The following RUNDC3B variants were observed in gnomAD, a reference collection of about 807,000 sequenced individuals.
The protein encoded by RUNDC3B is RUN domain-containing protein 3B.
RUNDC3B carries 33 observed loss-of-function variants against 58.4 expected under a neutral mutation model. The observed-to-expected ratio is 0.56, with a 90% CI of 0.43 to 0.75. The LOEUF (loss-of-function observed/expected upper bound fraction) is 0.75, where lower values mean the gene tolerates loss of function less well. Among genes scored for constraint, RUNDC3B ranks in the 30% least tolerant of loss-of-function variants. The pLI, the probability that RUNDC3B is intolerant of heterozygous loss-of-function variation, is 0.00. For synonymous variants in RUNDC3B, 193 were observed against 195.2 expected, an observed-to-expected ratio of 0.99 and a Z score of 0.10; for missense variants, 501 against 535.7, an observed-to-expected ratio of 0.94 and a Z score of 0.64.
rs373462839 is a variant in RUNDC3B at position 87,711,751 on chromosome 7, A to G, written c.458+1096A>G. Among the ~76,000 whole-genome samples, 11 of 152,314 alleles carry G rather than the reference A, an allele frequency of 7.2e-5. No homozygotes were observed. The East Asian group carries it at 2.1e-3, about 29-fold the overall frequency. On this transcript the variant is annotated intron_variant, in intron 4 of 10. Coordinates refer to ENST00000394654, the MANE Select transcript of RUNDC3B (RefSeq NM_001134405.2). ...CACATTTCAGATGTCCCATTGCCAC[A>G]TGTAGCTAATGGTAACCCAATTGGA...
chr7:87,800,405 G>T (rs1265801056), intron 8 of RUNDC3B, among the ~76,000 whole-genome samples: 1 of 152,116 alleles, frequency 6.6e-6, no homozygotes, highest in Non-Finnish European at 1.5e-5. Context: ...CTACTGATGG[G>T]CACTTATGTT....
In RUNDC3B at chr7:87,770,758, A is replaced by G; in HGVS notation, c.798+9A>G. 6.3e-7 allele frequency: 1 copy of G among 1,587,730 alleles called. No individual in the cohort carries two copies. On this transcript the variant is annotated intron_variant, in intron 7 of 10. Coordinates refer to ENST00000394654, the MANE Select transcript of RUNDC3B (RefSeq NM_001134405.2). ...TTACCCTGGAACAGAAGGTATTTTAAAATTATCAAAACGTACTTAATTTTA... is the reference window on the plus strand; with the variant it reads ...TTACCCTGGAACAGAAGGTATTTTAGAATTATCAAAACGTACTTAATTTTA...
intron 2 of RUNDC3B, among the ~76,000 whole-genome samples, chr7:87,687,375 A>G (rs1377229067): frequency 1.3e-5 from 2 of 152,290 alleles, no homozygotes; most frequent in African/African-American, 4.8e-5. Flanking sequence ...TAACCCTTCC[A>G]CTATATTTTA....
rs753571901 is a variant in RUNDC3B, at chr7:87,807,509, C to T, written c.1093C>T (p.Gln365Ter). 13 of 1,612,400 alleles carry T rather than the reference C, an allele frequency of 8.1e-6. No homozygotes were observed. Among genetic ancestry groups the T allele is most frequent in the Non-Finnish European group, 1.0e-5 (12 of 1,178,648 alleles). ...DTLLYRKHNK[Q>*]WYEKSYQSLD... Reference sequence around the variant, plus strand: ...GTTGCTTTACCGAAAACACAATAAACAGTGGTATGAGTAAGTGTAATACTT... The same window carrying T: ...GTTGCTTTACCGAAAACACAATAAATAGTGGTATGAGTAAGTGTAATACTT... The change falls in exon 9 of 11, where the codon CAG (glutamine) becomes TAG (stop). Residue 365 changes from glutamine to a stop codon, truncating the protein, a stop_gained. Transcript: ENST00000394654. LOFTEE classifies it high-confidence loss of function.
At chr7:87,824,367 C>T (rs1837676381) in intron 10 of RUNDC3B, among the ~76,000 whole-genome samples, 1 of 152,176 alleles carries the variant, frequency 6.6e-6, no homozygotes, top group Admixed American at 6.5e-5. Context: ...TTTCCCTGCA[C>T]AAGCTCTCTT....
chr7:87,746,725 C>G (rs992070886), intron 6 of RUNDC3B, among the ~76,000 whole-genome samples: 1 of 152,080 alleles, frequency 6.6e-6, no homozygotes, highest in Admixed American at 6.6e-5. Flanking sequence ...AGGTGAGTCT[C>G]CTGAAGGCAG....
intron 2 of RUNDC3B, among the ~76,000 whole-genome samples, chr7:87,673,513 T>C (rs1209631191): frequency 2.0e-5 from 3 of 152,268 alleles, no homozygotes; most frequent in African/African-American, 7.2e-5. Flanking sequence ...CTGCTATTAA[T>C]ACTTGTGATT....
At chr7:87,630,191 T>C (rs1268873287) in intron 1 of RUNDC3B, among the ~76,000 whole-genome samples, 1 of 152,236 alleles carries the variant, frequency 6.6e-6, no homozygotes, top group Non-Finnish European at 1.5e-5. Flanking sequence ...TCTGTATTTT[T>C]CCGTTATTTT....
intron 6 of RUNDC3B, among the ~76,000 whole-genome samples, chr7:87,744,729 A>C (rs1282040407): frequency 6.6e-6 from 1 of 152,180 alleles, no homozygotes. Flanking sequence ...AGGAGTCCTC[A>C]GGGTTTTCAA....
intron 2 of RUNDC3B, among the ~76,000 whole-genome samples, chr7:87,687,416 T>G (rs1171871992): frequency 1.3e-5 from 2 of 152,140 alleles, no homozygotes; most frequent in Non-Finnish European, 2.9e-5. Flanking sequence ...CCTTTCAACC[T>G]CAAGCACTCC....
At chr7:87,818,056 A>G (rs1329660978) in intron 10 of RUNDC3B, among the ~76,000 whole-genome samples, 1 of 152,132 alleles carries the variant, frequency 6.6e-6, no homozygotes, top group Non-Finnish European at 1.5e-5. Context: ...TACTTTTTTT[A>G]TAAATCCAAT....
At chr7:87,661,245 T>C (rs886586314) in intron 2 of RUNDC3B, among the ~76,000 whole-genome samples, 2 of 151,960 alleles carry the variant, frequency 1.3e-5, no homozygotes, top group African/African-American at 4.8e-5. Context: ...CAAGCATTCA[T>C]TTTTTTGCAT....
At chr7:87,691,930 T>C (rs1167219251) in intron 2 of RUNDC3B, among the ~76,000 whole-genome samples, 1 of 152,204 alleles carries the variant, frequency 6.6e-6, no homozygotes, top group East Asian at 1.9e-4. Flanking sequence ...TTGTTGAAAT[T>C]TGACTACATT....
At chr7:87,755,513 T>C (rs1321338297) in intron 6 of RUNDC3B, among the ~76,000 whole-genome samples, 1 of 152,108 alleles carries the variant, frequency 6.6e-6, no homozygotes, top group Non-Finnish European at 1.5e-5. Flanking sequence ...GCAAACTGAA[T>C]CCAGCAGCAC....
At chr7:87,752,790 T>C (rs991518206) in intron 6 of RUNDC3B, among the ~76,000 whole-genome samples, 5 of 152,018 alleles carry the variant, frequency 3.3e-5, no homozygotes, top group South Asian at 4.1e-4. Flanking sequence ...GTCTTGCTAG[T>C]GGTTTATCAG....
intron 10 of RUNDC3B, among the ~76,000 whole-genome samples, chr7:87,820,649 A>G (rs991260588): frequency 2.6e-5 from 4 of 152,130 alleles, no homozygotes; most frequent in South Asian, 2.1e-4. Flanking sequence ...ATAAAATACT[A>G]GCAAACCGAA....
intron 6 of RUNDC3B, among the ~76,000 whole-genome samples, chr7:87,747,645 G>A (rs1419610499): frequency 6.6e-6 from 1 of 152,108 alleles, no homozygotes; most frequent in Non-Finnish European, 1.5e-5. Context: ...CTCTCCTTGG[G>A]CGGGTCTTGC....
At chr7:87,638,833 C>A (rs542322451) in intron 1 of RUNDC3B, among the ~76,000 whole-genome samples, 1 of 152,078 alleles carries the variant, frequency 6.6e-6, no homozygotes, top group Admixed American at 6.5e-5. Flanking sequence ...TGTTAATTTT[C>A]TCTGTCGACT....
intron 2 of RUNDC3B, among the ~76,000 whole-genome samples, chr7:87,654,610 A>G (rs1252439308): frequency 1.3e-5 from 2 of 152,110 alleles, no homozygotes. Flanking sequence ...TATCTACTAC[A>G]ACTGTAAAAT....
Sources: allele counts gnomAD v4.1 joint callset (sites outside exome capture counted in the v4.1 genomes callset), GRCh38; gene constraint gnomAD v4.1.1; transcripts MANE v1.5; gene names NCBI Gene and HGNC (gene_info 2026-07-23, HGNC 2026-07-21).